LRCH1: variants seen among roughly 807,000 people sequenced by gnomAD.
LRCH1 encodes the protein leucine-rich repeat and calponin homology domain-containing protein 1.
In LRCH1, 23 loss-of-function variants were observed where a neutral mutation model predicts 94.9. The observed-to-expected ratio is 0.24, with a 90% CI of 0.17 to 0.34. The LOEUF is 0.34. Ranked by LOEUF, LRCH1 falls within the 10% of genes least tolerant of loss-of-function variation. The pLI is 1.00. For missense variants in LRCH1, 790 were observed against 945.9 expected (o/e 0.84, Z 2.16); for synonymous variants, 364 against 354.9 (o/e 1.03, Z -0.29).
At chr13:46,632,657 T>A (rs2051033079) in intron 1 of LRCH1, among the ~76,000 whole-genome samples, 1 of 152,204 alleles carries the variant, frequency 6.6e-6, no homozygotes, top group African/African-American at 2.4e-5. Context: ...ATATATTCCA[T>A]AAACAGTATC....
chr13:46,624,773 G>A (rs2050924701), intron 1 of LRCH1, among the ~76,000 whole-genome samples: 1 of 152,198 alleles, frequency 6.6e-6, no homozygotes, highest in African/African-American at 2.4e-5. Context: ...TTAACACCTT[G>A]AGAAAATCTC....
At chr13:46,715,101 T>G (rs1004219642) in intron 15 of LRCH1, among the ~76,000 whole-genome samples, 3 of 152,244 alleles carry the variant, frequency 2.0e-5, no homozygotes, top group African/African-American at 7.2e-5. Context: ...TTCTAAATAA[T>G]AGATATATTT....
intron 1 of LRCH1, among the ~76,000 whole-genome samples, chr13:46,609,787 A>G (rs1188263415): frequency 6.6e-6 from 1 of 152,168 alleles, no homozygotes; most frequent in Non-Finnish European, 1.5e-5. Flanking sequence ...AAAGCAAACT[A>G]TGGCACGTCC....
chr13:46,744,203 C>A lies in LRCH1; in HGVS notation c.*2355C>A. ...TGCCCTTGCAGCTTGACTGGGGATACCTGGCTGACCTCCTTAGAGTCTGAG... is the reference window on the plus strand; with the variant it reads ...TGCCCTTGCAGCTTGACTGGGGATAACTGGCTGACCTCCTTAGAGTCTGAG... On this transcript the variant is annotated 3_prime_UTR_variant, in exon 20 of 20. Coordinates refer to ENST00000389797, the MANE Select transcript of LRCH1 (RefSeq NM_001164211.2). 1 of 985,382 alleles carries A rather than the reference C, an allele frequency of 1.0e-6. No individual in the cohort carries two copies. The highest frequency in any genetic ancestry group is 1.2e-6 in the Non-Finnish European group (1 of 829,920). The allele number at this position is 985,382 out of a possible 1,614,324, so 61.0% of individuals were successfully genotyped here.
intron 2 of LRCH1, among the ~76,000 whole-genome samples, chr13:46,665,420 G>A (rs1566209919): frequency 6.6e-6 from 1 of 152,166 alleles, no homozygotes. Flanking sequence ...TTGAAGCCAA[G>A]ATAAATGTAT....
Position 46,743,139 on chromosome 13 carries a change from G to T in LRCH1, c.*1291G>T. On this transcript the variant is annotated 3_prime_UTR_variant, in exon 20 of 20. Coordinates refer to ENST00000389797, the MANE Select transcript of LRCH1 (RefSeq NM_001164211.2). The stretch of plus-strand genomic sequence containing the variant: ...ATCTTGTTTCTTAGCTTGGGGAGAT[G>T]ATGGACTTAGCTTCCTCAAGATAAA... 3 of 985,472 alleles carry T rather than the reference G, an allele frequency of 3.0e-6. No homozygotes were observed. Among genetic ancestry groups the T allele is most frequent in the Non-Finnish European group, 2.4e-6 (2 of 829,914 alleles). The allele number at this position is 985,472 out of a possible 1,614,324, so 61.0% of individuals were successfully genotyped here. A position where few individuals can be genotyped will look rare whatever the true frequency, so the allele number is the denominator to read the frequency against.
At chr13:46,672,337 C>CT (rs146998629) in intron 3 of LRCH1, among the ~76,000 whole-genome samples, 11,899 of 147,808 alleles carry the variant, frequency 0.081, 524 homozygotes, top group Middle Eastern at 0.17. Context: ...TGACAAGTTG[C>CT]TTTTTTTTTT....
intron 1 of LRCH1, among the ~76,000 whole-genome samples, chr13:46,567,829 A>G (rs1297642817): frequency 6.6e-6 from 1 of 152,192 alleles, no homozygotes; most frequent in Non-Finnish European, 1.5e-5. Context: ...AAGACTTGGT[A>G]TCTCAATATG....
chr13:46,651,846 G>A (rs534230415), intron 2 of LRCH1, among the ~76,000 whole-genome samples: 4 of 146,906 alleles, frequency 2.7e-5, no homozygotes, highest in African/African-American at 1.0e-4. Context: ...GACTACAGGC[G>A]CCGGCCACCA....
Position 46,703,174 on chromosome 13 carries a change from GGTT to G in LRCH1, c.1401-1890_1401-1888del, listed in dbSNP as rs551667530. Among the ~76,000 whole-genome samples the G allele has an allele frequency of 3.5e-4, 54 of 152,272 alleles. No homozygotes were observed. In the South Asian group the frequency reaches 5.0e-3, roughly 14 times the overall value. On this transcript the variant is annotated intron_variant, in intron 11 of 19. Transcript: ENST00000389797. The stretch of plus-strand genomic sequence containing the variant: ...TTTACGTGTATCCATGCATGTGTAT[GGTT>G]GTTCATACATGTATGTTAGTACATG...
chr13:46,648,062 A>T (rs1481660646), intron 1 of LRCH1, among the ~76,000 whole-genome samples: 2 of 152,090 alleles, frequency 1.3e-5, no homozygotes, highest in Non-Finnish European at 1.5e-5. Context: ...ATAATTATAT[A>T]ACTCACCATA....
At chr13:46,654,627 C>A (rs2051348164) in intron 2 of LRCH1, among the ~76,000 whole-genome samples, 1 of 152,132 alleles carries the variant, frequency 6.6e-6, no homozygotes, top group Non-Finnish European at 1.5e-5. Flanking sequence ...AGGACATTAT[C>A]ATTAATTTTG....
At position 46,742,015 on chromosome 13, in the gene LRCH1, CT is replaced by C. The variant is rs539963417; in HGVS notation, c.*170del. 1.8e-4 allele frequency: 262 copies of C among 1,473,380 alleles called. 6 individuals are homozygous for C. The South Asian group carries it at 3.4e-3, about 19-fold the overall frequency. The allele number at this position is 1,473,380 out of a possible 1,614,324, so 91.3% of individuals were successfully genotyped here. On this transcript the variant is annotated 3_prime_UTR_variant, in exon 20 of 20. Coordinates refer to ENST00000389797, the MANE Select transcript of LRCH1 (RefSeq NM_001164211.2). ...AAATCAGATTTTCCAGAAGCACAAA[CT>C]TTGTAGAATACAGTTTAGTATAATT...
At chr13:46,584,122 G>A (rs140307918) in intron 1 of LRCH1, among the ~76,000 whole-genome samples, 2 of 152,110 alleles carry the variant, frequency 1.3e-5, no homozygotes, top group Non-Finnish European at 2.9e-5. Context: ...GATTTGTACT[G>A]AAAGACATAG....
At chr13:46,565,428 C>G (rs930942380) in intron 1 of LRCH1, among the ~76,000 whole-genome samples, 4 of 152,140 alleles carry the variant, frequency 2.6e-5, no homozygotes, top group Non-Finnish European at 5.9e-5. Context: ...TTCGGTTATG[C>G]TGCTAGTCAG....
chr13:46,654,649 AG>A (rs1231662081), intron 2 of LRCH1, among the ~76,000 whole-genome samples: 1 of 152,238 alleles, frequency 6.6e-6, no homozygotes, highest in East Asian at 1.9e-4. Flanking sequence ...TGTATGGGGA[AG>A]TCGGTGTGAA....
intron 1 of LRCH1, among the ~76,000 whole-genome samples, chr13:46,596,537 T>C (rs2050565070): frequency 6.6e-6 from 1 of 152,258 alleles, no homozygotes. Flanking sequence ...AATTTTATCT[T>C]AGCATATATC....
chr13:46,612,551 A>G (rs910562685), intron 1 of LRCH1, among the ~76,000 whole-genome samples: 1 of 152,192 alleles, frequency 6.6e-6, no homozygotes, highest in African/African-American at 2.4e-5. Context: ...AGATAGGCTC[A>G]TATGTCTCAA....
intron 1 of LRCH1, among the ~76,000 whole-genome samples, chr13:46,616,290 A>T (rs993706855): frequency 6.6e-6 from 1 of 152,228 alleles, no homozygotes; most frequent in African/African-American, 2.4e-5. Context: ...AAAACCAGAA[A>T]CAGAGCCCTG....
Sources: gnomAD v4.1 joint callset for allele counts (sites outside exome capture counted in the v4.1 genomes callset) on GRCh38, gnomAD v4.1.1 for gene constraint, MANE v1.5 for transcripts, NCBI Gene and HGNC (gene_info 2026-07-23, HGNC 2026-07-21) for gene names.